DPP10: variants seen among roughly 807,000 people sequenced by gnomAD.
The protein encoded by DPP10 is inactive dipeptidyl peptidase 10.
In DPP10, 33 loss-of-function variants were observed where a neutral mutation model predicts 120.9. The observed-to-expected ratio is 0.27, with a 90% CI of 0.21 to 0.37. DPP10 has a LOEUF of 0.37. Ranked by LOEUF, DPP10 falls within the 10% of genes least tolerant of loss-of-function variation. DPP10 has a pLI of 1.00. For synonymous variants in DPP10, 337 were observed against 326.1 expected, an observed-to-expected ratio of 1.03 and a Z score of -0.36; for missense variants, 816 against 942.8, an observed-to-expected ratio of 0.87 and a Z score of 1.76.
chr2:115,369,427 T>C (rs1484033298), intron 3 of DPP10, among the ~76,000 whole-genome samples: 1 of 152,110 alleles, frequency 6.6e-6, no homozygotes, highest in Non-Finnish European at 1.5e-5. Context: ...AATTGCCTTA[T>C]TTTTCCTTTG....
chr2:114,924,441 C>T (rs541115288), intron 1 of DPP10, among the ~76,000 whole-genome samples: 16 of 151,628 alleles, frequency 1.1e-4, no homozygotes, highest in African/African-American at 3.4e-4. Context: ...GCATGAGAAT[C>T]GCTTGAACCT....
intron 1 of DPP10, among the ~76,000 whole-genome samples, chr2:114,494,101 C>CAAAAAAAAAAAAAAAAAAAAA (rs58552540): frequency 1.3e-5 from 1 of 77,162 alleles, no homozygotes; most frequent in African/African-American, 5.0e-5. Context: ...AGCAATAAGG[C>CAAAAAAAAAAAAAAAAAAAAA]AAAAAAAAAA....
chr2:114,670,797 A>G (rs899834746), intron 1 of DPP10, among the ~76,000 whole-genome samples: 6 of 152,198 alleles, frequency 3.9e-5, no homozygotes, highest in Admixed American at 1.3e-4. Context: ...TCTATTACCT[A>G]TCATAATAAT....
At chr2:114,809,661 C>A (rs1685019614) in intron 1 of DPP10, among the ~76,000 whole-genome samples, 1 of 152,144 alleles carries the variant, frequency 6.6e-6, no homozygotes, top group African/African-American at 2.4e-5. Flanking sequence ...AACCCAATCA[C>A]CCTGGAGGCA....
At chr2:114,561,394 ACACATAC>A (rs1441072748) in intron 1 of DPP10, among the ~76,000 whole-genome samples, 1 of 152,130 alleles carries the variant, frequency 6.6e-6, no homozygotes, top group Non-Finnish European at 1.5e-5. Context: ...CACACCACAT[ACACATAC>A]CACATACATC....
chr2:115,775,480 GA>G lies in DPP10; in HGVS notation c.1222-1719del, dbSNP rs753388044. Among the ~76,000 whole-genome samples, 16 of 149,908 alleles carry G rather than the reference GA, an allele frequency of 1.1e-4. 1 individual carries two copies. The highest frequency in any genetic ancestry group is 5.9e-4 in the East Asian group (3 of 5,120). The stretch of plus-strand genomic sequence containing the variant: ...GTTTAGGAGAAATGGATGCAATCTA[GA>G]AAAAAAAATCAAATCAGATTTAAGA... On this transcript the variant is annotated intron_variant, in intron 13 of 25. Coordinates refer to ENST00000410059, the MANE Select transcript of DPP10 (RefSeq NM_020868.6).
intron 1 of DPP10, among the ~76,000 whole-genome samples, chr2:115,299,533 C>T (rs935323006): frequency 5.3e-5 from 8 of 151,928 alleles, no homozygotes; most frequent in African/African-American, 1.7e-4. Context: ...CCCTAATTGT[C>T]CTTCTTTGCA....
chr2:115,288,448 T>C (rs184817030), intron 1 of DPP10, among the ~76,000 whole-genome samples: 13 of 152,234 alleles, frequency 8.5e-5, no homozygotes, highest in Non-Finnish European at 1.3e-4. Flanking sequence ...TCAGGCGTGG[T>C]GGCTCACACC....
chr2:115,086,846 A>ATAT lies in DPP10; in HGVS notation c.61-222392_61-222391insATT, dbSNP rs1553485118. The stretch of plus-strand genomic sequence containing the variant: ...GTTGTACCCCAATAACCTTGGGCAC[A>ATAT]TGTCAGGACCTCCTGAGAGCTGTGT... On this transcript the variant is annotated intron_variant, in intron 1 of 25. Transcript: ENST00000410059. 5.2e-3 allele frequency among the ~76,000 whole-genome samples: 783 copies of ATAT among 151,962 alleles called. 2 individuals are homozygous for ATAT. Among genetic ancestry groups the ATAT allele is most frequent in the Non-Finnish European group, 8.3e-3 (561 of 67,956 alleles).
At chr2:115,722,954 G>A (rs888482250) in intron 7 of DPP10, among the ~76,000 whole-genome samples, 2 of 152,134 alleles carry the variant, frequency 1.3e-5, no homozygotes, top group Non-Finnish European at 2.9e-5. Flanking sequence ...ATCAAGGCAG[G>A]ACCCCGGGCT....
intron 19 of DPP10, among the ~76,000 whole-genome samples, chr2:115,808,776 G>A (rs1025205673): frequency 6.6e-6 from 1 of 152,202 alleles, no homozygotes; most frequent in African/African-American, 2.4e-5. Context: ...AATAAAAATA[G>A]ATGAGTACAA....
chr2:114,706,005 T>C (rs866008477), intron 1 of DPP10, among the ~76,000 whole-genome samples: 1 of 152,182 alleles, frequency 6.6e-6, no homozygotes, highest in Non-Finnish European at 1.5e-5. Flanking sequence ...GAGAGTGTCA[T>C]TGTTTAGTAG....
At chr2:115,642,771 T>A (rs975017378) in intron 5 of DPP10, among the ~76,000 whole-genome samples, 3 of 152,140 alleles carry the variant, frequency 2.0e-5, no homozygotes, top group African/African-American at 7.2e-5. Flanking sequence ...CATCTTGTCC[T>A]GTTTCTCTGG....
chr2:114,733,130 G>T (rs1267084374), intron 1 of DPP10, among the ~76,000 whole-genome samples: 1 of 152,198 alleles, frequency 6.6e-6, no homozygotes, highest in Non-Finnish European at 1.5e-5. Context: ...TGCGAGAAGG[G>T]AGCTGGTAAG....
chr2:115,453,005 A>C (rs2073235321), intron 3 of DPP10, among the ~76,000 whole-genome samples: 1 of 151,744 alleles, frequency 6.6e-6, no homozygotes, highest in Non-Finnish European at 1.5e-5. Flanking sequence ...ATTTATTTTA[A>C]AATCCATAAT....
At chr2:114,466,905 G>T (rs1321089368) in intron 1 of DPP10, among the ~76,000 whole-genome samples, 4 of 152,024 alleles carry the variant, frequency 2.6e-5, no homozygotes, top group African/African-American at 9.7e-5. Context: ...ACTATTAGCT[G>T]GGCATGGTGG....
chr2:115,376,610 T>A (rs929391299), intron 3 of DPP10, among the ~76,000 whole-genome samples: 9 of 151,712 alleles, frequency 5.9e-5, no homozygotes, highest in African/African-American at 2.2e-4. Context: ...TGCAGGTTAG[T>A]TACAGATGTA....
chr2:114,448,352 C>A (rs116842609), intron 1 of DPP10, among the ~76,000 whole-genome samples: 1 of 152,010 alleles, frequency 6.6e-6, no homozygotes. Context: ...TCTAGAAATT[C>A]ATGTTTTGGT....
At chr2:115,687,077 A>G (rs1188699960) in intron 5 of DPP10, among the ~76,000 whole-genome samples, 1 of 152,120 alleles carries the variant, frequency 6.6e-6, no homozygotes, top group Non-Finnish European at 1.5e-5. Flanking sequence ...AATGTTATCC[A>G]AGGAAGGAGA....
Sources: gnomAD v4.1 joint callset for allele counts (sites outside exome capture counted in the v4.1 genomes callset) on GRCh38, gnomAD v4.1.1 for gene constraint, MANE v1.5 for transcripts, NCBI Gene and HGNC (gene_info 2026-07-23, HGNC 2026-07-21) for gene names.